The following RHOBTB2 variants were observed in gnomAD, a reference collection of about 807,000 sequenced individuals.
RHOBTB2 encodes Rho related BTB domain containing 2, also known as rho-related BTB domain-containing protein 2.
In RHOBTB2, 39 loss-of-function variants were observed where a neutral mutation model predicts 66.5. That is an observed-to-expected ratio of 0.59 (90% CI 0.45 to 0.77). The LOEUF (loss-of-function observed/expected upper bound fraction) is 0.77, where lower values mean the gene tolerates loss of function less well. RHOBTB2 is among the 30% of genes least tolerant of loss of function. RHOBTB2 has a pLI of 0.00. For missense variants in RHOBTB2, 755 were observed against 999.1 expected (o/e 0.76, Z 3.29); for synonymous variants, 390 against 395.0 (o/e 0.99, Z 0.15).
At chr8:22,994,884 G>C (rs535176232), upstream of RHOBTB2, among the ~76,000 whole-genome samples, 7 of 152,244 alleles carry the variant, frequency 4.6e-5, no homozygotes, top group East Asian at 1.4e-3. Flanking sequence ...TCCTGCCTCA[G>C]CCTCCCGAGT....
At chr8:22,979,970 G>C in the RHOBTB2 span, among the ~76,000 whole-genome samples, 5 of 151,910 alleles carry the variant, frequency 3.3e-5, no homozygotes, top group African/African-American at 4.8e-5. Flanking sequence ...ACGTTGGCCA[G>C]GATAGTCTCG....
At chr8:22,988,153 C>CTTTTT (rs34922844) in intron 1 of RHOBTB2, among the ~76,000 whole-genome samples, 17 of 78,136 alleles carry the variant, frequency 2.2e-4, no homozygotes, top group Non-Finnish European at 3.1e-4. Flanking sequence ...GCTCCTTCCC[C>CTTTTT]TTTTTTTTTT....
chr8:23,004,910 A>C lies in RHOBTB2; in HGVS notation c.192+284A>C. On this transcript the variant is annotated intron_variant, in intron 2 of 9. Transcript: ENST00000251822. This position sits in a 1 kb window ranked among gnomAD's most constrained non-coding sequence, Gnocchi z 6.4. The stretch of plus-strand genomic sequence containing the variant: ...TTGTATGTAGTCACAGCCTTAAGTA[A>C]TGGGGAGCACTGGAGGGCTGGGGCT... 1 of 501,574 alleles carries C rather than the reference A, an allele frequency of 2.0e-6. No homozygotes were observed. The highest frequency in any genetic ancestry group is 3.7e-5 in the East Asian group (1 of 27,038). 31.1% of individuals were successfully genotyped at this position (501,574 alleles called of 1,614,324 possible). A position where few individuals can be genotyped will look rare whatever the true frequency, so the allele number is the denominator to read the frequency against.
At chr8:22,999,540 C>A, upstream of RHOBTB2, 1 of 1,154,744 alleles carries the variant, frequency 8.7e-7, no homozygotes, top group Non-Finnish European at 1.1e-6. Context: ...CTGCGCGCGG[C>A]AGTGGGCGGG....
chr8:22,981,867 G>A, the RHOBTB2 span, among the ~76,000 whole-genome samples: 5 of 151,964 alleles, frequency 3.3e-5, no homozygotes, highest in Admixed American at 6.5e-5. Flanking sequence ...AGCACCAGCT[G>A]CAGTGGCGCC....
chr8:23,017,398 A>C lies in RHOBTB2; in HGVS notation c.2113A>C (p.Asn705His), dbSNP rs759379285. 1 of 1,613,992 alleles carries C rather than the reference A, an allele frequency of 6.2e-7. No individual in the cohort carries two copies. Among genetic ancestry groups the C allele is most frequent in the Non-Finnish European group, 8.5e-7 (1 of 1,179,932 alleles). ...GCCCAAACGGCGTTGGCTCTTCTGG[A>C]ACAGTCCATCCTCCCCGTCTTCCTC... is the stretch of plus-strand genomic sequence containing the variant. ...RQPKRRWLFW[N>H]SPSSPSSSAA... is the part of the protein sequence containing the mutation. Residue 705 changes from asparagine (N) to histidine (H), a missense_variant, in exon 10 of 10, where the codon AAC becomes CAC. By Grantham distance (68) the Asn-to-His change is moderately conservative. Coordinates refer to ENST00000251822, the MANE Select transcript of RHOBTB2 (RefSeq NM_015178.3). This position sits in a 1 kb window ranked among gnomAD's most constrained non-coding sequence, Gnocchi z 5.3.
At chr8:22,955,574 T>C in the RHOBTB2 span, among the ~76,000 whole-genome samples, 2 of 147,564 alleles carry the variant, frequency 1.4e-5, no homozygotes, top group African/African-American at 5.0e-5. Context: ...CTTTTTTTTT[T>C]TTTTTTTTTT....
rs374806218 is a variant in RHOBTB2 at position 23,004,405 on chromosome 8, G to A, written c.-10-20G>A. 71 of 1,609,124 alleles carry A rather than the reference G, an allele frequency of 4.4e-5. No individual in the cohort carries two copies. Among genetic ancestry groups the A allele is most frequent in the African/African-American group, 9.4e-5 (7 of 74,806 alleles). ...GCTGGCATGCCATGCCGTCCTGACCGCCTCCCTCCTCTCCCTCAGGTCCCG... is the reference window on the plus strand; with the variant it reads ...GCTGGCATGCCATGCCGTCCTGACCACCTCCCTCCTCTCCCTCAGGTCCCG... On this transcript the variant is annotated intron_variant, in intron 1 of 9. Coordinates refer to ENST00000251822, the MANE Select transcript of RHOBTB2 (RefSeq NM_015178.3). This position sits in a 1 kb window ranked among gnomAD's most constrained non-coding sequence, Gnocchi z 6.4.
the RHOBTB2 span, among the ~76,000 whole-genome samples, chr8:22,966,638 G>A: frequency 6.6e-6 from 1 of 151,930 alleles, no homozygotes; most frequent in East Asian, 1.9e-4. Context: ...AAAAAAGCGG[G>A]GTGGTGGGGG....
chr8:22,977,357 A>G, the RHOBTB2 span, among the ~76,000 whole-genome samples: 1 of 152,046 alleles, frequency 6.6e-6, no homozygotes, highest in African/African-American at 2.4e-5. Context: ...AGGCAGGTGG[A>G]TTGCTTGAGC....
At chr8:22,995,174 T>G (rs1351796710), upstream of RHOBTB2, among the ~76,000 whole-genome samples, 1 of 152,002 alleles carries the variant, frequency 6.6e-6, no homozygotes, top group Non-Finnish European at 1.5e-5. Context: ...CTCAAGCTAT[T>G]CTCTCAGCTC....
chr8:22,993,225 T>A (rs1195403403), intron 2 of RHOBTB2, among the ~76,000 whole-genome samples: 1 of 152,070 alleles, frequency 6.6e-6, no homozygotes, highest in Non-Finnish European at 1.5e-5. Flanking sequence ...GGTGGTACGA[T>A]CATAGTGCAC....
rs1810726908 is a variant in RHOBTB2, at chr8:23,000,097, TGTA to T, written c.-16_-14del. On this transcript the variant is annotated 5_prime_UTR_variant, in exon 1 of 10. The change abolishes the stop of an existing upstream ORF in the 5' untranslated region. Coordinates refer to ENST00000251822, the MANE Select transcript of RHOBTB2 (RefSeq NM_015178.3). Reference sequence around the variant, plus strand: ...TCACGCTAGAAGCCACCCCGTCACATGTAGTGGTGTAAGTAGATGGCTGCTTGC... The same window carrying T: ...TCACGCTAGAAGCCACCCCGTCACATGTGGTGTAAGTAGATGGCTGCTTGC... 2.0e-6 allele frequency: 2 copies of T among 985,248 alleles called. No homozygotes were observed. The highest frequency in any genetic ancestry group is 3.5e-5 in the African/African-American group (2 of 57,214). The allele number at this position is 985,248 out of a possible 1,614,324, so 61.0% of individuals were successfully genotyped here.
At chr8:22,969,171 C>T in the RHOBTB2 span, among the ~76,000 whole-genome samples, 2 of 152,218 alleles carry the variant, frequency 1.3e-5, no homozygotes, top group African/African-American at 2.4e-5. Flanking sequence ...AGAATGAGAG[C>T]CAAGCAAAAG....
chr8:22,953,433 G>C, the RHOBTB2 span, among the ~76,000 whole-genome samples: 6 of 152,024 alleles, frequency 3.9e-5, no homozygotes, highest in African/African-American at 1.5e-4. Context: ...GGTGGGGTTG[G>C]GGTGGGAGGG....
the RHOBTB2 span, among the ~76,000 whole-genome samples, chr8:22,970,067 AAC>A: frequency 2.0e-5 from 3 of 152,192 alleles, no homozygotes; most frequent in African/African-American, 7.2e-5. Flanking sequence ...ATAATTTAGA[AAC>A]ACACTGTCTC....
Position 23,007,115 on chromosome 8 carries a change from C to CTT in RHOBTB2, c.870_871insTT (p.Lys291LeufsTer11). 1 of 1,609,942 alleles carries CTT rather than the reference C, an allele frequency of 6.2e-7. No homozygotes were observed. The highest frequency in any genetic ancestry group is 1.7e-5 in the Admixed American group (1 of 59,998). The stretch of plus-strand genomic sequence containing the variant: ...AGATCTACCTCTCCACCTCTTCCTC[C>CTT]AAGTTCTATGACCTGTTCCTCATGG... On this transcript the variant is annotated frameshift_variant, in exon 5 of 10. Transcript: ENST00000251822. LOFTEE classifies it high-confidence loss of function.
In RHOBTB2 at chr8:23,006,853, C is replaced by G; in HGVS notation, c.608C>G (p.Ala203Gly). 6.2e-7 allele frequency: 1 copy of G among 1,614,146 alleles called. No homozygotes were observed. Among genetic ancestry groups the G allele is most frequent in the East Asian group, 2.2e-5 (1 of 44,882 alleles). Residue 203 changes from alanine (A) to glycine (G), a missense_variant, in exon 5 of 10, where the codon GCC becomes GGC. Ala to Gly is a moderately conservative substitution (Grantham distance 60, BLOSUM62 0). Transcript: ENST00000251822. The surrounding 1 kb of genome is among the most constrained non-coding windows in gnomAD (Gnocchi z 6.1). ...QFGIKDVFDN[A>G]IRAALISRRH... is the part of the protein sequence containing the mutation. ...GGCATCAAGGACGTCTTTGACAACG[C>G]CATCCGAGCTGCACTCATCTCCCGC...
rs1392715613 is a variant in RHOBTB2, at chr8:23,006,782, G to A, written c.537G>A (p.Lys179=). The change falls in exon 5 of 10, where the codon AAG becomes AAA. Residue 179 remains lysine (K), a synonymous_variant. Coordinates refer to ENST00000251822, the MANE Select transcript of RHOBTB2 (RefSeq NM_015178.3). The surrounding 1 kb of genome is among the most constrained non-coding windows in gnomAD (Gnocchi z 6.1). ...LPPEKGREVA[K]ELGIPYYETS... ...CAGAGAAGGGTCGGGAGGTGGCCAA[G>A]GAGCTGGGCATCCCCTACTATGAGA... 1 of 1,614,094 alleles carries A rather than the reference G, an allele frequency of 6.2e-7. No homozygotes were observed. Among genetic ancestry groups the A allele is most frequent in the Non-Finnish European group, 8.5e-7 (1 of 1,180,008 alleles).
Sources: allele counts gnomAD v4.1 joint callset (sites outside exome capture counted in the v4.1 genomes callset), GRCh38; gene constraint gnomAD v4.1.1; non-coding constraint Gnocchi (gnomAD v3.1); transcripts MANE v1.5; gene names NCBI Gene and HGNC (gene_info 2026-07-23, HGNC 2026-07-21).